The following CSMD1 variants were observed in gnomAD, a reference collection of about 807,000 sequenced individuals.
The protein encoded by CSMD1 is CUB and Sushi multiple domains 1.
A neutral mutation model predicts 417.5 loss-of-function variants in CSMD1; 213 were observed. The observed-to-expected ratio is 0.51, with a 90% CI of 0.46 to 0.57. The LOEUF is 0.57. Among genes scored for constraint, CSMD1 ranks in the 20% least tolerant of loss-of-function variants. The probability of loss-of-function intolerance (pLI) is 0.00; values close to 1 mark genes in which losing one functional copy is unlikely to be tolerated. For synonymous variants in CSMD1, 2,862 were observed against 1,736.8 expected, an observed-to-expected ratio of 1.65 and a Z score of -16.11; for missense variants, 6,923 against 4,529.7, an observed-to-expected ratio of 1.53 and a Z score of -15.17.
intron 58 of CSMD1, among the ~76,000 whole-genome samples, chr8:2,966,274 C>A (rs2128928871): frequency 6.6e-6 from 1 of 152,280 alleles, no homozygotes; most frequent in East Asian, 1.9e-4. Context: ...AAAGACATTT[C>A]TTCTTTCTCT....
chr8:3,724,935 T>C (rs1468356486), intron 6 of CSMD1, among the ~76,000 whole-genome samples: 2 of 152,348 alleles, frequency 1.3e-5, no homozygotes, highest in Non-Finnish European at 2.9e-5. Flanking sequence ...TATGTACAAA[T>C]TCTTTTTAAA....
At chr8:3,567,573 G>T (rs1309468014) in intron 10 of CSMD1, among the ~76,000 whole-genome samples, 1 of 151,602 alleles carries the variant, frequency 6.6e-6, no homozygotes, top group Non-Finnish European at 1.5e-5. Flanking sequence ...GAAGGAAAGG[G>T]AAGGGAAAGG....
chr8:3,536,795 C>G (rs938318619), intron 10 of CSMD1, among the ~76,000 whole-genome samples: 4 of 152,098 alleles, frequency 2.6e-5, no homozygotes, highest in African/African-American at 7.2e-5. Flanking sequence ...TCTTCAGCAC[C>G]GGGAATGCTG....
intron 3 of CSMD1, among the ~76,000 whole-genome samples, chr8:4,050,373 T>G (rs984091523): frequency 6.6e-6 from 1 of 152,192 alleles, no homozygotes; most frequent in African/African-American, 2.4e-5. Flanking sequence ...GAGCAGAGAA[T>G]CTACAAACTT....
chr8:4,188,216 G>C (rs751519983), intron 3 of CSMD1, among the ~76,000 whole-genome samples: 1 of 152,080 alleles, frequency 6.6e-6, no homozygotes, highest in Non-Finnish European at 1.5e-5. Context: ...TTTACATGAT[G>C]TAAAATTTGA....
chr8:3,483,912 A>G (rs536914326), intron 11 of CSMD1, among the ~76,000 whole-genome samples: 1 of 152,342 alleles, frequency 6.6e-6, no homozygotes, highest in South Asian at 2.1e-4. Context: ...TAATGCCAAA[A>G]AAGAAACATT....
At chr8:3,261,202 C>A (rs7820866) in intron 26 of CSMD1, among the ~76,000 whole-genome samples, 5 of 152,058 alleles carry the variant, frequency 3.3e-5, no homozygotes, top group Non-Finnish European at 5.9e-5. Context: ...AATTTTATAT[C>A]GTCTGTAAAA....
At chr8:3,101,654 T>C (rs1335966466) in intron 46 of CSMD1, among the ~76,000 whole-genome samples, 1 of 152,086 alleles carries the variant, frequency 6.6e-6, no homozygotes, top group Non-Finnish European at 1.5e-5. Flanking sequence ...CTCGATCTCC[T>C]GACCTTGTGA....
At chr8:3,780,393 C>T (rs767386907) in intron 5 of CSMD1, among the ~76,000 whole-genome samples, 2 of 152,158 alleles carry the variant, frequency 1.3e-5, no homozygotes, top group African/African-American at 2.4e-5. Flanking sequence ...CCTTAATTAT[C>T]GCCTTTTCAG....
At chr8:3,912,020 T>C (rs758236249) in intron 5 of CSMD1, among the ~76,000 whole-genome samples, 2 of 152,250 alleles carry the variant, frequency 1.3e-5, no homozygotes, top group African/African-American at 4.8e-5. Context: ...AATTGTCATA[T>C]AGACACATAT....
chr8:3,994,447 GA>G (rs56184992), intron 5 of CSMD1, among the ~76,000 whole-genome samples: 33,209 of 119,046 alleles, frequency 0.28, 4,248 homozygotes, highest in African/African-American at 0.36. Context: ...AATCTCTTCA[GA>G]AAAAAAAAAA....
chr8:4,317,892 C>G (rs1799026238), intron 3 of CSMD1, among the ~76,000 whole-genome samples: 1 of 152,114 alleles, frequency 6.6e-6, no homozygotes, highest in Non-Finnish European at 1.5e-5. Flanking sequence ...TTCTGTCTTT[C>G]AGATGTGTTG....
chr8:4,158,770 C>G (rs987349606), intron 3 of CSMD1, among the ~76,000 whole-genome samples: 1 of 152,166 alleles, frequency 6.6e-6, no homozygotes, highest in Non-Finnish European at 1.5e-5. Context: ...GGTGTGAACA[C>G]TGAAGTGTTG....
intron 1 of CSMD1, among the ~76,000 whole-genome samples, chr8:4,666,372 G>T (rs904093470): frequency 1.3e-5 from 2 of 152,180 alleles, no homozygotes; most frequent in Non-Finnish European, 2.9e-5. Context: ...CAGAGTCAGT[G>T]TGAAAGTGAG....
chr8:4,866,206 G>A (rs1474250385), intron 1 of CSMD1, among the ~76,000 whole-genome samples: 1 of 151,896 alleles, frequency 6.6e-6, no homozygotes, highest in African/African-American at 2.4e-5. Context: ...AAAATGAAAA[G>A]CTTTCTATAA....
At chr8:3,352,294 G>C (rs1416467922) in intron 21 of CSMD1, among the ~76,000 whole-genome samples, 1 of 152,120 alleles carries the variant, frequency 6.6e-6, no homozygotes, top group Non-Finnish European at 1.5e-5. Flanking sequence ...GCCTGAACCA[G>C]GTTGCAGGGA....
chr8:3,229,978 C>T (rs1585723323), intron 27 of CSMD1, 62 bp downstream of exon 27: 4 of 1,211,598 alleles, frequency 3.3e-6, no homozygotes, highest in Admixed American at 2.7e-5. Context: ...TTACGGAGCG[C>T]TTTTAACGAC....
At chr8:4,256,737 G>A (rs73660711) in intron 3 of CSMD1, among the ~76,000 whole-genome samples, 9,134 of 152,106 alleles carry the variant, frequency 0.06, 706 homozygotes, top group East Asian at 0.33. Context: ...GCACAGTTAC[G>A]GGCAGTGAGG....
chr8:4,000,093 C>T (rs1815548649), intron 4 of CSMD1, among the ~76,000 whole-genome samples: 1 of 152,270 alleles, frequency 6.6e-6, no homozygotes, highest in African/African-American at 2.4e-5. Context: ...TACCAAATGT[C>T]TGTCCTGCCC....
Sources: gnomAD v4.1 joint callset for allele counts (sites outside exome capture counted in the v4.1 genomes callset) on GRCh38, gnomAD v4.1.1 for gene constraint, MANE v1.5 for transcripts, NCBI Gene and HGNC (gene_info 2026-07-23, HGNC 2026-07-21) for gene names.